The following VPS41 variants were observed in gnomAD, a reference collection of about 807,000 sequenced individuals.
VPS41 encodes the protein VPS41 subunit of HOPS complex.
VPS41 carries 85 observed loss-of-function variants against 130.9 expected under a neutral mutation model. That is an observed-to-expected ratio of 0.65 (90% confidence interval 0.55 to 0.78). The LOEUF is 0.78. VPS41 is among the 30% of genes least tolerant of loss of function. The pLI, the probability that VPS41 is intolerant of heterozygous loss-of-function variation, is 0.00. For synonymous variants in VPS41, 335 were observed against 332.9 expected (o/e 1.01, Z -0.07); for missense variants, 874 against 1,018.7 (o/e 0.86, Z 1.93).
intron 10 of VPS41, among the ~76,000 whole-genome samples, chr7:38,778,372 G>A (rs1784298172): frequency 6.6e-6 from 1 of 152,226 alleles, no homozygotes; most frequent in African/African-American, 2.4e-5. Context: ...GGCTGCGGAA[G>A]GTTCTAGAGA....
At chr7:38,858,396 G>A (rs1029186484) in intron 4 of VPS41, among the ~76,000 whole-genome samples, 22 of 152,128 alleles carry the variant, frequency 1.4e-4, no homozygotes, top group Admixed American at 6.6e-4. Flanking sequence ...TGTTAATGCC[G>A]GTCAGTTGTG....
At chr7:38,900,292 A>T (rs1304982140) in intron 1 of VPS41, among the ~76,000 whole-genome samples, 1 of 152,152 alleles carries the variant, frequency 6.6e-6, no homozygotes. Flanking sequence ...AAATTATCTT[A>T]AGTGAAACAA....
intron 4 of VPS41, among the ~76,000 whole-genome samples, chr7:38,842,213 ATC>A (rs369670501): frequency 1.2e-3 from 178 of 152,068 alleles, no homozygotes; most frequent in Non-Finnish European, 2.2e-3. Context: ...CTATCCTTCT[ATC>A]TCTCTTAATA....
intron 3 of VPS41, among the ~76,000 whole-genome samples, chr7:38,866,587 C>T (rs111384517): frequency 6.6e-6 from 1 of 152,080 alleles, no homozygotes; most frequent in African/African-American, 2.4e-5. Context: ...TATGGACATG[C>T]TGAGGTTCAG....
intron 25 of VPS41, among the ~76,000 whole-genome samples, chr7:38,738,763 T>C (rs1414490087): frequency 6.6e-6 from 1 of 152,212 alleles, no homozygotes; most frequent in African/African-American, 2.4e-5. Flanking sequence ...TGCATCTTAC[T>C]GACTTCATGA....
chr7:38,902,164 G>A (rs1787159702), intron 1 of VPS41, among the ~76,000 whole-genome samples: 1 of 152,134 alleles, frequency 6.6e-6, no homozygotes, highest in East Asian at 1.9e-4. Flanking sequence ...CTCATCACCT[G>A]CCATCAGGAT....
intron 22 of VPS41, among the ~76,000 whole-genome samples, chr7:38,747,816 T>C (rs1238087866): frequency 6.6e-6 from 1 of 152,210 alleles, no homozygotes; most frequent in Admixed American, 6.5e-5. Context: ...TTATAAAACA[T>C]TTCCATTGCT....
intron 2 of VPS41, among the ~76,000 whole-genome samples, chr7:38,894,454 TG>T (rs1168899318): frequency 1.5e-5 from 2 of 137,262 alleles, no homozygotes; most frequent in African/African-American, 5.5e-5. Flanking sequence ...AGGCTAGGGT[TG>T]GGGGGAAGTG....
intron 25 of VPS41, among the ~76,000 whole-genome samples, chr7:38,734,983 G>T (rs1249779894): frequency 6.6e-6 from 1 of 152,156 alleles, no homozygotes; most frequent in Non-Finnish European, 1.5e-5. Context: ...ATGAACTGCA[G>T]AGAAATACGA....
At chr7:38,842,357 C>T (rs1371278670) in intron 4 of VPS41, among the ~76,000 whole-genome samples, 1 of 152,176 alleles carries the variant, frequency 6.6e-6, no homozygotes, top group Non-Finnish European at 1.5e-5. Flanking sequence ...TTCCACACTG[C>T]TAATCCCAAA....
At chr7:38,898,012 TG>T (rs892842855) in intron 2 of VPS41, 78 bp downstream of exon 2, 5 of 1,361,728 alleles carry the variant, frequency 3.7e-6, no homozygotes, top group Middle Eastern at 1.8e-4. Flanking sequence ...CTGGGAATGT[TG>T]CATTTAGCAA....
At chr7:38,880,749 T>C in intron 2 of VPS41, among the ~76,000 whole-genome samples, 1 of 152,202 alleles carries the variant, frequency 6.6e-6, no homozygotes, top group Non-Finnish European at 1.5e-5. Flanking sequence ...GAAAGAAACC[T>C]TTGTGCTATT....
intron 2 of VPS41, among the ~76,000 whole-genome samples, chr7:38,876,431 C>A (rs1024827736): frequency 1.4e-4 from 21 of 151,940 alleles, no homozygotes; most frequent in Admixed American, 1.2e-3. Context: ...AGAATAAACA[C>A]CAATATAGTA....
chr7:38,779,702 C>T (rs1005745644), intron 10 of VPS41, among the ~76,000 whole-genome samples: 1 of 152,136 alleles, frequency 6.6e-6, no homozygotes, highest in African/African-American at 2.4e-5. Flanking sequence ...TATAGCGATG[C>T]TGAGTCCCAG....
intron 25 of VPS41, among the ~76,000 whole-genome samples, chr7:38,738,281 A>G (rs1795812468): frequency 6.6e-6 from 1 of 152,178 alleles, no homozygotes; most frequent in Non-Finnish European, 1.5e-5. Context: ...TCACTGATTT[A>G]AAAAAGGCAT....
intron 28 of VPS41, 36 bp from the exon 29 acceptor site, chr7:38,726,362 T>C (rs770953870): frequency 4.6e-6 from 7 of 1,526,584 alleles, no homozygotes; most frequent in African/African-American, 1.4e-5. Flanking sequence ...ATTTAAAAAA[T>C]GATCTTCTTT....
chr7:38,847,184 C>G (rs1157457899), intron 4 of VPS41, among the ~76,000 whole-genome samples: 1 of 152,170 alleles, frequency 6.6e-6, no homozygotes, highest in Non-Finnish European at 1.5e-5. Flanking sequence ...CCCTTCCATT[C>G]ACAAAACAGA....
At chr7:38,870,700 GA>G (rs1243597736) in intron 2 of VPS41, among the ~76,000 whole-genome samples, 5 of 110,452 alleles carry the variant, frequency 4.5e-5, no homozygotes, top group South Asian at 3.3e-4. Flanking sequence ...CCTAGACATT[GA>G]AGTTAGCAGG....
intron 15 of VPS41, among the ~76,000 whole-genome samples, chr7:38,766,352 G>A (rs754211260): frequency 1.3e-5 from 2 of 151,960 alleles, no homozygotes; most frequent in African/African-American, 4.8e-5. Context: ...AGGATCCTGG[G>A]GTCTAGTCAC....
Sources: gnomAD v4.1 joint callset for allele counts (sites outside exome capture counted in the v4.1 genomes callset) on GRCh38, gnomAD v4.1.1 for gene constraint, MANE v1.5 for transcripts, NCBI Gene and HGNC (gene_info 2026-07-23, HGNC 2026-07-21) for gene names.